Variants in DGKH observed in about 807,000 individuals in gnomAD.
DGKH encodes the protein diacylglycerol kinase eta.
Under a neutral mutation model 159.3 loss-of-function variants are expected in DGKH, and 90 were observed. That is an observed-to-expected ratio of 0.57 (90% CI 0.48 to 0.67). The LOEUF (loss-of-function observed/expected upper bound fraction) is 0.67. Ranked by LOEUF, DGKH falls within the 30% of genes least tolerant of loss-of-function variation. The pLI, the probability that DGKH is intolerant of heterozygous loss-of-function variation, is 0.00. For synonymous variants in DGKH, 536 were observed against 553.8 expected (o/e 0.97, Z 0.45); for missense variants, 1,181 against 1,506.1 (o/e 0.78, Z 3.57).
At chr13:42,216,212 A>G (rs76087266) in intron 26 of DGKH, among the ~76,000 whole-genome samples, 2,586 of 152,306 alleles carry the variant, frequency 0.017, 68 homozygotes, top group African/African-American at 0.057. Context: ...TAAATGCTGG[A>G]AGCTTGTGGA....
chr13:42,229,977 A>C lies in DGKH; in HGVS notation c.*789A>C, dbSNP rs1958245681. 6.6e-6 allele frequency: 1 copy of C among 152,192 alleles called. No homozygotes were observed. The highest frequency in any genetic ancestry group is 1.5e-5 in the Non-Finnish European group (1 of 68,028). 9.4% of individuals were successfully genotyped at this position (152,192 alleles called of 1,614,324 possible). On this transcript the variant is annotated 3_prime_UTR_variant, in exon 30 of 30. Transcript: ENST00000337343. ...AAAGTGTGTCTGTGCCATAATCAAC[A>C]AATGATATACATCACATGCAAGTCA...
chr13:42,121,103 C>T (rs546261498), intron 1 of DGKH, among the ~76,000 whole-genome samples: 1 of 143,818 alleles, frequency 7.0e-6, no homozygotes, highest in South Asian at 2.2e-4. Flanking sequence ...CATGCGCACA[C>T]ACACACACAC....
rs546287697 is a variant in DGKH, at chr13:42,229,712, A to G, written c.*524A>G. On this transcript the variant is annotated 3_prime_UTR_variant, in exon 30 of 30. Transcript: ENST00000337343. ...TGCTTAGTGGTCAAATATGTTGAAA[A>G]CCTTTCCAATACTATGAATGAATGC... The G allele has an allele frequency of 1.6e-4, 25 of 152,618 alleles. No individual in the cohort carries two copies. Among genetic ancestry groups the G allele is most frequent in the African/African-American group, 6.0e-4 (25 of 41,540 alleles). 9.5% of individuals were successfully genotyped at this position (152,618 alleles called of 1,614,324 possible).
chr13:42,199,717 A>AT lies in DGKH; in HGVS notation c.2396+47dup, dbSNP rs763326373. ...GTAATAATGCTATTACATAAAGGCAATTTTTTCTTCATTTATTATGTCTTT... is the reference window on the plus strand; with the variant it reads ...GTAATAATGCTATTACATAAAGGCAATTTTTTTCTTCATTTATTATGTCTTT... On this transcript the variant is annotated intron_variant, in intron 19 of 29. Coordinates refer to ENST00000337343, the MANE Select transcript of DGKH (RefSeq NM_178009.5). The AT allele has an allele frequency of 4.5e-6, 7 of 1,557,960 alleles. No homozygotes were observed. In the African/African-American group the frequency reaches 5.5e-5, roughly 12 times the overall value.
upstream of DGKH, among the ~76,000 whole-genome samples, chr13:42,046,604 TTCAAA>T (rs1427336286): frequency 1.3e-5 from 2 of 152,224 alleles, no homozygotes; most frequent in Non-Finnish European, 2.9e-5. Flanking sequence ...GCAATCAGTG[TTCAAA>T]TCAAAGAGTG....
chr13:42,224,894 GA>G (rs71700896), intron 29 of DGKH, among the ~76,000 whole-genome samples: 16,353 of 142,974 alleles, frequency 0.11, 1,110 homozygotes, highest in Non-Finnish European at 0.16. Flanking sequence ...TTGGGAAAAG[GA>G]AAAAAAAAAT....
At chr13:42,146,936 C>T (rs1391472494) in intron 3 of DGKH, among the ~76,000 whole-genome samples, 2 of 152,100 alleles carry the variant, frequency 1.3e-5, no homozygotes, top group Non-Finnish European at 2.9e-5. Context: ...TGGGACCCAC[C>T]TTCTGGAATG....
At chr13:42,058,166 T>A (rs574427534) in intron 1 of DGKH, among the ~76,000 whole-genome samples, 2 of 152,064 alleles carry the variant, frequency 1.3e-5, no homozygotes, top group South Asian at 4.2e-4. Context: ...TAGAGATAGG[T>A]GAAAAAAATA....
At chr13:42,212,426 TG>T (rs1416207235) in intron 24 of DGKH, among the ~76,000 whole-genome samples, 1 of 152,240 alleles carries the variant, frequency 6.6e-6, no homozygotes, top group Non-Finnish European at 1.5e-5. Flanking sequence ...TCCATAGGGT[TG>T]TTAGTTTCAG....
At chr13:42,042,036 C>G (rs1008901434) in intron 1 of DGKH, among the ~76,000 whole-genome samples, 1 of 152,190 alleles carries the variant, frequency 6.6e-6, no homozygotes, top group Non-Finnish European at 1.5e-5. Flanking sequence ...GTTTCTCGGC[C>G]TGATTCCTGA....
chr13:42,170,031 A>G (rs1187200460), intron 11 of DGKH, among the ~76,000 whole-genome samples: 1 of 152,230 alleles, frequency 6.6e-6, no homozygotes, highest in African/African-American at 2.4e-5. Flanking sequence ...TTATTTGTCA[A>G]TTATACCTAA....
Position 42,191,440 on chromosome 13 carries a change from G to A in DGKH, c.2035+915G>A, listed in dbSNP as rs898306576. Among the ~76,000 whole-genome samples the A allele has an allele frequency of 2.6e-5, 4 of 151,932 alleles. No homozygotes were observed. In the South Asian group the frequency reaches 6.2e-4, roughly 24 times the overall value. On this transcript the variant is annotated intron_variant, in intron 16 of 29. Transcript: ENST00000337343. ...GATATCAATCATACCCCAAACCTCC[G>A]CATCACTCAATATACTCAGATAATA...
chr13:42,082,113 AC>A (rs1348152734), intron 1 of DGKH, among the ~76,000 whole-genome samples: 1 of 151,614 alleles, frequency 6.6e-6, no homozygotes, highest in Admixed American at 6.6e-5. Context: ...GTAGTCTCTC[AC>A]ACCTCCTGTT....
chr13:42,138,046 T>C, intron 3 of DGKH: 1 of 982,460 alleles, frequency 1.0e-6, no homozygotes, highest in Non-Finnish European at 1.2e-6. Context: ...CTTCCCATTA[T>C]TAGAAATCTT....
chr13:42,177,533 G>T (rs1044704498), intron 12 of DGKH, among the ~76,000 whole-genome samples: 1 of 152,064 alleles, frequency 6.6e-6, no homozygotes, highest in Admixed American at 6.6e-5. Context: ...TCTGAGTCCT[G>T]TGATATCATT....
downstream of DGKH, among the ~76,000 whole-genome samples, chr13:42,243,395 A>C: frequency 6.6e-6 from 1 of 152,138 alleles, no homozygotes; most frequent in Middle Eastern, 3.2e-3. Context: ...GTAAGAACAT[A>C]ATTTGGTTTG....
chr13:42,192,127 G>C (rs1957086924), intron 16 of DGKH, among the ~76,000 whole-genome samples: 1 of 152,144 alleles, frequency 6.6e-6, no homozygotes. Context: ...TACTGCTGCT[G>C]CTGCTGTCAC....
At chr13:42,250,285 A>G (rs61959416) in intron 29 of DGKH, among the ~76,000 whole-genome samples, 3 of 141,730 alleles carry the variant, frequency 2.1e-5, no homozygotes, top group Admixed American at 7.0e-5. Context: ...GCTCCTATTT[A>G]AAAAAAAAAA....
chr13:42,135,507 A>AAG (rs1555264252), intron 3 of DGKH, among the ~76,000 whole-genome samples: 1,819 of 111,212 alleles, frequency 0.016, 11 homozygotes, highest in Middle Eastern at 0.033. Flanking sequence ...AAAAAAAAAA[A>AAG]AGAGAGAGAG....
Sources: gnomAD v4.1 joint callset for allele counts (sites outside exome capture counted in the v4.1 genomes callset) on GRCh38, gnomAD v4.1.1 for gene constraint, MANE v1.5 for transcripts, NCBI Gene and HGNC (gene_info 2026-07-23, HGNC 2026-07-21) for gene names.